Variants in ARHGAP15 observed in about 807,000 individuals in gnomAD.
ARHGAP15 encodes the protein rho GTPase-activating protein 15.
ARHGAP15 carries 51 observed loss-of-function variants against 63.7 expected under a neutral mutation model. That is an observed-to-expected ratio of 0.80 (90% CI 0.64 to 1.01). The LOEUF (loss-of-function observed/expected upper bound fraction) is 1.01. Ranked by LOEUF, ARHGAP15 falls within the 50% of genes least tolerant of loss-of-function variation. ARHGAP15 has a pLI of 0.00. For missense variants in ARHGAP15, 560 were observed against 564.6 expected, an observed-to-expected ratio of 0.99 and a Z score of 0.08; for synonymous variants, 191 against 193.8, an observed-to-expected ratio of 0.99 and a Z score of 0.12.
At chr2:143,486,832 C>T (rs1198056586) in intron 8 of ARHGAP15, among the ~76,000 whole-genome samples, 1 of 152,140 alleles carries the variant, frequency 6.6e-6, no homozygotes, top group Non-Finnish European at 1.5e-5. Flanking sequence ...CTGAATTTCA[C>T]ATAGAACTGG....
intron 13 of ARHGAP15, among the ~76,000 whole-genome samples, chr2:143,738,876 C>G (rs1685854768): frequency 6.6e-6 from 1 of 152,152 alleles, no homozygotes; most frequent in Non-Finnish European, 1.5e-5. Context: ...GTTCAAGCCT[C>G]CGCCCATGAT....
intron 8 of ARHGAP15, among the ~76,000 whole-genome samples, chr2:143,484,600 C>A (rs1267219447): frequency 6.6e-6 from 1 of 151,904 alleles, no homozygotes; most frequent in African/African-American, 2.4e-5. Flanking sequence ...TTATCCACAA[C>A]AATTAAACCC....
At chr2:143,268,531 AT>A (rs905989433) in intron 6 of ARHGAP15, among the ~76,000 whole-genome samples, 2 of 152,108 alleles carry the variant, frequency 1.3e-5, no homozygotes, top group Admixed American at 6.5e-5. Flanking sequence ...TGTATAAATC[AT>A]TTTTTTTCTT....
At chr2:143,180,394 C>T (rs887605184) in intron 2 of ARHGAP15, among the ~76,000 whole-genome samples, 1 of 152,212 alleles carries the variant, frequency 6.6e-6, no homozygotes. Context: ...TCCTCAGGCT[C>T]CACTTCTTAT....
At chr2:143,743,758 A>G (rs1386604846) in intron 13 of ARHGAP15, among the ~76,000 whole-genome samples, 1 of 152,170 alleles carries the variant, frequency 6.6e-6, no homozygotes, top group Non-Finnish European at 1.5e-5. Flanking sequence ...TATTTCAGCC[A>G]ACTGAGGAGA....
intron 6 of ARHGAP15, among the ~76,000 whole-genome samples, chr2:143,384,209 A>AT (rs375382595): frequency 7.9e-5 from 12 of 151,264 alleles, no homozygotes; most frequent in African/African-American, 2.2e-4. Flanking sequence ...CTTTTCGTTG[A>AT]TTTTTCATGG....
At chr2:143,718,706 T>C (rs549037545) in intron 13 of ARHGAP15, among the ~76,000 whole-genome samples, 1 of 152,292 alleles carries the variant, frequency 6.6e-6, no homozygotes, top group Admixed American at 6.5e-5. Flanking sequence ...CCTCTGCAGA[T>C]TCTTTCTCTT....
At chr2:143,317,764 A>G (rs1683787487) in intron 6 of ARHGAP15, among the ~76,000 whole-genome samples, 2 of 152,196 alleles carry the variant, frequency 1.3e-5, no homozygotes. Context: ...AACATACAGG[A>G]TGGACTGGAT....
rs372092900 is a variant in ARHGAP15, at chr2:143,735,731, CAAG to C, written c.1244+32219_1244+32221del. ...CAGTTTTCCCCAAAGATGGTCTTAG[CAAG>C]AAGAAGAAGAATGACTAGAAGTCAA... On this transcript the variant is annotated intron_variant, in intron 13 of 13. Coordinates refer to ENST00000295095, the MANE Select transcript of ARHGAP15 (RefSeq NM_018460.4). Among the ~76,000 whole-genome samples the C allele has an allele frequency of 1.8e-4, 27 of 151,926 alleles. 1 individual carries two copies. Among genetic ancestry groups the C allele is most frequent in the Admixed American group, 3.3e-4 (5 of 15,266 alleles).
At chr2:143,767,837 T>C in intron 13 of ARHGAP15, 152 bp from the exon 14 acceptor site, 2 of 745,104 alleles carry the variant, frequency 2.7e-6, no homozygotes, top group South Asian at 4.4e-5. Flanking sequence ...TAGGTTCTAC[T>C]TCCATACAGT....
chr2:143,749,247 C>T (rs1559159444), intron 13 of ARHGAP15, among the ~76,000 whole-genome samples: 1 of 152,164 alleles, frequency 6.6e-6, no homozygotes, highest in African/African-American at 2.4e-5. Context: ...ATGAGTCCAC[C>T]AGCTAACACC....
intron 6 of ARHGAP15, among the ~76,000 whole-genome samples, chr2:143,373,254 A>T (rs1048606546): frequency 6.6e-6 from 1 of 152,190 alleles, no homozygotes; most frequent in Non-Finnish European, 1.5e-5. Context: ...AGATTGCACA[A>T]GTATTGGCAG....
intron 11 of ARHGAP15, 99 bp from the exon 12 acceptor site, chr2:143,624,034 C>A (rs550700725): frequency 2.2e-5 from 32 of 1,423,462 alleles, no homozygotes; most frequent in Non-Finnish European, 2.9e-5. Context: ...AGGCTGTTAA[C>A]GGTTGCTGAT....
chr2:143,305,712 T>C (rs974119950), intron 6 of ARHGAP15, among the ~76,000 whole-genome samples: 1 of 152,046 alleles, frequency 6.6e-6, no homozygotes, highest in Non-Finnish European at 1.5e-5. Context: ...ATACAATCAA[T>C]CTTCTTATTG....
chr2:143,465,722 C>G (rs897418014), intron 8 of ARHGAP15, among the ~76,000 whole-genome samples: 2 of 149,502 alleles, frequency 1.3e-5, no homozygotes, highest in Non-Finnish European at 3.0e-5. Context: ...TTTTTTTTTT[C>G]TTTTCATCAC....
chr2:143,248,626 T>G lies in ARHGAP15; in HGVS notation c.385-1885T>G, dbSNP rs1478648714. On this transcript the variant is annotated intron_variant, in intron 5 of 13. Coordinates refer to ENST00000295095, the MANE Select transcript of ARHGAP15 (RefSeq NM_018460.4). Reference sequence around the variant, plus strand: ...TGATGATAATACCTACCTCATACAGTTGTGAATGTAAGATTTCACAGAATC... The same window carrying G: ...TGATGATAATACCTACCTCATACAGGTGTGAATGTAAGATTTCACAGAATC... Among the ~76,000 whole-genome samples the G allele has an allele frequency of 2.6e-5, 4 of 152,190 alleles. No homozygotes were observed. In the East Asian group the frequency reaches 7.7e-4, roughly 29 times the overall value.
chr2:143,226,825 A>G (rs1693230498), intron 4 of ARHGAP15, among the ~76,000 whole-genome samples: 1 of 152,218 alleles, frequency 6.6e-6, no homozygotes, highest in South Asian at 2.1e-4. Context: ...ACAATGGTGT[A>G]TCATTAAGAA....
chr2:143,451,578 A>G (rs1690409243), intron 8 of ARHGAP15, among the ~76,000 whole-genome samples: 2 of 151,976 alleles, frequency 1.3e-5, no homozygotes, highest in South Asian at 4.1e-4. Context: ...CAGAAAATCA[A>G]AAGTAGACAT....
chr2:143,486,647 T>C (rs988713492), intron 8 of ARHGAP15, among the ~76,000 whole-genome samples: 10 of 152,132 alleles, frequency 6.6e-5, no homozygotes, highest in African/African-American at 1.2e-4. Context: ...TCATGTATTA[T>C]ATTCATCCCC....
Sources: allele counts gnomAD v4.1 joint callset (sites outside exome capture counted in the v4.1 genomes callset), GRCh38; gene constraint gnomAD v4.1.1; transcripts MANE v1.5; gene names NCBI Gene and HGNC (gene_info 2026-07-23, HGNC 2026-07-21).